The following EYA2 variants were observed in gnomAD, a reference collection of about 807,000 sequenced individuals.
EYA2 encodes the protein EYA transcriptional coactivator and phosphatase 2.
EYA2 carries 31 observed loss-of-function variants against 69.2 expected under a neutral mutation model. That is an observed-to-expected ratio of 0.45 (90% CI 0.34 to 0.60). The LOEUF (loss-of-function observed/expected upper bound fraction) is 0.60. Among genes scored for constraint, EYA2 ranks in the 20% least tolerant of loss-of-function variants. The pLI is 0.02. For missense variants in EYA2, 622 were observed against 701.2 expected, an observed-to-expected ratio of 0.89 and a Z score of 1.28; for synonymous variants, 257 against 279.4, an observed-to-expected ratio of 0.92 and a Z score of 0.80.
rs765474621 is a variant in EYA2 at position 47,065,514 on chromosome 20, A to G, written c.416-6671A>G. 4.6e-5 allele frequency among the ~76,000 whole-genome samples: 7 copies of G among 152,194 alleles called. 1 individual carries two copies. Among genetic ancestry groups the G allele is most frequent in the African/African-American group, 1.7e-4 (7 of 41,432 alleles). The stretch of plus-strand genomic sequence containing the variant: ...GGCAATTAGGGGAGAAAAAAAAATT[A>G]TAAAAGAACCCTGGCGAAGGGTGGC... On this transcript the variant is annotated intron_variant, in intron 5 of 15. Transcript: ENST00000327619.
chr20:47,167,216 C>A (rs1166698296), intron 10 of EYA2, among the ~76,000 whole-genome samples: 1 of 151,562 alleles, frequency 6.6e-6, no homozygotes, highest in Non-Finnish European at 1.5e-5. Context: ...TGGCTTCGAA[C>A]AACACACACG....
chr20:46,948,198 T>C (rs1210438995), intron 1 of EYA2, among the ~76,000 whole-genome samples: 2 of 152,194 alleles, frequency 1.3e-5, no homozygotes, highest in East Asian at 1.9e-4. Flanking sequence ...AAACTTTTTC[T>C]GGAAAGGGCC....
intron 10 of EYA2, among the ~76,000 whole-genome samples, chr20:47,156,818 C>A (rs1416085352): frequency 6.6e-6 from 1 of 151,904 alleles, no homozygotes; most frequent in Non-Finnish European, 1.5e-5. Context: ...GAAAAATATA[C>A]CTGCCTCAGA....
intron 5 of EYA2, among the ~76,000 whole-genome samples, chr20:47,029,828 T>C (rs1395908227): frequency 1.3e-5 from 2 of 152,232 alleles, no homozygotes; most frequent in African/African-American, 2.4e-5. Flanking sequence ...ACAGTTACAA[T>C]TGAACATATT....
At chr20:47,032,763 C>T (rs1444351881) in intron 5 of EYA2, among the ~76,000 whole-genome samples, 1 of 152,184 alleles carries the variant, frequency 6.6e-6, no homozygotes, top group African/African-American at 2.4e-5. Flanking sequence ...ATAGGAGTAG[C>T]TTTTGTGAAG....
chr20:47,075,226 CA>C (rs1257225715), intron 7 of EYA2, among the ~76,000 whole-genome samples: 1 of 152,222 alleles, frequency 6.6e-6, no homozygotes, highest in Non-Finnish European at 1.5e-5. Flanking sequence ...GGTAAGCTCC[CA>C]CTGCATTCCA....
chr20:47,012,612 G>C (rs1293783393), intron 4 of EYA2, among the ~76,000 whole-genome samples: 1 of 152,170 alleles, frequency 6.6e-6, no homozygotes, highest in East Asian at 1.9e-4. Flanking sequence ...TCATGCCTCA[G>C]CTTCCTGAGT....
At chr20:47,022,565 C>T (rs1445806268) in intron 5 of EYA2, among the ~76,000 whole-genome samples, 3 of 152,036 alleles carry the variant, frequency 2.0e-5, no homozygotes, top group African/African-American at 4.8e-5. Context: ...CCGCCCACCT[C>T]AGCCCCCCAG....
At chr20:47,187,358 A>C (rs969771989) in intron 15 of EYA2, among the ~76,000 whole-genome samples, 2 of 151,230 alleles carry the variant, frequency 1.3e-5, no homozygotes, top group Non-Finnish European at 2.9e-5. Flanking sequence ...CAAAAGAAAG[A>C]AAGAAAGAAA....
intron 1 of EYA2, among the ~76,000 whole-genome samples, chr20:46,922,655 G>T (rs1460059735): frequency 6.6e-6 from 1 of 152,214 alleles, no homozygotes; most frequent in Non-Finnish European, 1.5e-5. Flanking sequence ...AGCTAGAATT[G>T]TGGGGGAGAG....
intron 10 of EYA2, among the ~76,000 whole-genome samples, chr20:47,146,641 T>C (rs1459210618): frequency 6.6e-6 from 1 of 152,202 alleles, no homozygotes. Context: ...TGCAAGGCAG[T>C]CCCTGTCAAA....
chr20:46,944,367 C>T (rs992594341), intron 1 of EYA2, among the ~76,000 whole-genome samples: 6 of 152,286 alleles, frequency 3.9e-5, no homozygotes, highest in East Asian at 3.9e-4. Flanking sequence ...GCGGTAGCTT[C>T]GGGGCAGGTG....
intron 11 of EYA2, among the ~76,000 whole-genome samples, chr20:47,170,945 G>A (rs1600767382): frequency 1.3e-5 from 2 of 152,200 alleles, no homozygotes; most frequent in Admixed American, 6.5e-5. Context: ...TTCAAAGCCC[G>A]GCACAATCGG....
intron 10 of EYA2, among the ~76,000 whole-genome samples, chr20:47,148,418 G>T (rs1371810338): frequency 6.6e-6 from 1 of 152,190 alleles, no homozygotes; most frequent in African/African-American, 2.4e-5. Flanking sequence ...TAGGCAAGTG[G>T]GGGTTCTATG....
chr20:46,992,013 C>T (rs1981703237), intron 2 of EYA2, among the ~76,000 whole-genome samples: 1 of 42,426 alleles, frequency 2.4e-5, no homozygotes, highest in South Asian at 9.4e-4. Flanking sequence ...AACCCTGGGC[C>T]CCCACATTCC....
intron 5 of EYA2, among the ~76,000 whole-genome samples, chr20:47,036,980 AG>A (rs2146407743): frequency 6.6e-6 from 1 of 152,336 alleles, no homozygotes; most frequent in South Asian, 2.1e-4. Context: ...TAATGTATAA[AG>A]GAAAGAGTTT....
intron 7 of EYA2, among the ~76,000 whole-genome samples, chr20:47,076,114 A>G (rs186704910): frequency 1.3e-5 from 2 of 152,350 alleles, no homozygotes; most frequent in Admixed American, 6.5e-5. Flanking sequence ...ATGGGCATCT[A>G]GGTTGATTCT....
intron 5 of EYA2, among the ~76,000 whole-genome samples, chr20:47,062,161 C>T (rs949054877): frequency 6.6e-5 from 10 of 152,226 alleles, no homozygotes; most frequent in Non-Finnish European, 1.2e-4. Flanking sequence ...CTGGTGCATC[C>T]TGGACGTCCA....
In EYA2 at chr20:47,025,389, G is replaced by A. The variant is rs73622696; in HGVS notation, c.415+9092G>A. On this transcript the variant is annotated intron_variant, in intron 5 of 15. Transcript: ENST00000327619. ...TTATCACATGATGGCAGAAACACTT[G>A]TCTATATTCTTTTCACAGATAACAT... Among the ~76,000 whole-genome samples the A allele has an allele frequency of 0.026, 4,034 of 152,230 alleles. 362 individuals are homozygous for A. In the East Asian group the frequency reaches 0.28, roughly 11 times the overall value.
Sources: gnomAD v4.1 joint callset for allele counts (sites outside exome capture counted in the v4.1 genomes callset) on GRCh38, gnomAD v4.1.1 for gene constraint, MANE v1.5 for transcripts, NCBI Gene and HGNC (gene_info 2026-07-23, HGNC 2026-07-21) for gene names.